HSD17B11: variants seen among roughly 807,000 people sequenced by gnomAD.
HSD17B11 encodes estradiol 17-beta-dehydrogenase 11.
Under a neutral mutation model 27.8 loss-of-function variants are expected in HSD17B11, and 22 were observed. The observed-to-expected ratio is 0.79, with a 90% CI of 0.56 to 1.13. The LOEUF is 1.13. HSD17B11 is among the 50% of genes most tolerant of loss of function. The probability of loss-of-function intolerance (pLI) is 0.00; values close to 1 mark genes in which losing one functional copy is unlikely to be tolerated. For synonymous variants in HSD17B11, 117 were observed against 132.8 expected (o/e 0.88, Z 0.82); for missense variants, 314 against 351.1 (o/e 0.89, Z 0.84).
At chr4:87,375,533 G>A (rs1024701258) in intron 2 of HSD17B11, among the ~76,000 whole-genome samples, 3 of 152,156 alleles carry the variant, frequency 2.0e-5, no homozygotes, top group African/African-American at 7.2e-5. Context: ...CCTGTGGTCC[G>A]GAGTTTGAGA....
intron 2 of HSD17B11, among the ~76,000 whole-genome samples, chr4:87,378,046 A>C (rs980379327): frequency 3.9e-5 from 6 of 152,168 alleles, no homozygotes; most frequent in African/African-American, 1.4e-4. Context: ...TCAGAGCCCA[A>C]GACAAGCCAC....
chr4:87,340,718 GTAGTGTC>G (rs1229046579), intron 5 of HSD17B11, 112 bp from the exon 6 acceptor site: 11 of 669,414 alleles, frequency 1.6e-5, no homozygotes, highest in Admixed American at 5.0e-5. Context: ...TAACTGATTT[GTAGTGTC>G]TAGCCTAGTA....
At chr4:87,357,216 A>C (rs1735404047) in intron 5 of HSD17B11, 63 bp downstream of exon 5, 1 of 1,524,962 alleles carries the variant, frequency 6.6e-7, no homozygotes, top group East Asian at 2.3e-5. Flanking sequence ...ATTTAGGAAA[A>C]CCCACAGAAT....
chr4:87,361,240 A>G (rs1212832027), intron 4 of HSD17B11, among the ~76,000 whole-genome samples: 1 of 152,188 alleles, frequency 6.6e-6, no homozygotes, highest in East Asian at 1.9e-4. Flanking sequence ...AAATGGCCAC[A>G]AAAGTGACCT....
chr4:87,342,530 G>C (rs1041359541), intron 5 of HSD17B11, among the ~76,000 whole-genome samples: 1 of 151,926 alleles, frequency 6.6e-6, no homozygotes, highest in African/African-American at 2.4e-5. Context: ...AAGATGGTGA[G>C]ATCTCGTCTC....
chr4:87,340,757 T>C (rs1735151926), intron 5 of HSD17B11, 151 bp from the exon 6 acceptor site: 2 of 525,286 alleles, frequency 3.8e-6, no homozygotes, highest in South Asian at 3.4e-5. Context: ...AAATGGTAGC[T>C]ACTTTACCAT....
intron 4 of HSD17B11, 119 bp from the exon 5 acceptor site, chr4:87,357,535 C>T: frequency 1.2e-6 from 1 of 857,300 alleles, no homozygotes; most frequent in Non-Finnish European, 1.7e-6. Context: ...AGGCCCCAGC[C>T]CAGAGCTACT....
Position 87,390,952 on chromosome 4 carries a change from A to G in HSD17B11, c.119T>C (p.Leu40Pro). Reference sequence around the variant, plus strand: ...AATTCCATGCCCAGCTCCTGTAATCAGCACGATTTCGCCGGTGACTGATTT... The same window carrying G: ...AATTCCATGCCCAGCTCCTGTAATCGGCACGATTTCGCCGGTGACTGATTT... ...RRKSVTGEIV[L>P]ITGAGHGIGR... The change falls in exon 1 of 7, where the codon CTG becomes CCG. Residue 40 changes from leucine to proline, a missense_variant. Transcript: ENST00000358290. The G allele has an allele frequency of 6.2e-7, 1 of 1,614,214 alleles. No homozygotes were observed. Among genetic ancestry groups the G allele is most frequent in the Non-Finnish European group, 8.5e-7 (1 of 1,180,036 alleles).
At chr4:87,338,432 C>T (rs188471467) in intron 6 of HSD17B11, among the ~76,000 whole-genome samples, 12 of 152,080 alleles carry the variant, frequency 7.9e-5, no homozygotes, top group African/African-American at 2.9e-4. Context: ...ACCAATGTGA[C>T]CTCATAACAA....
At chr4:87,370,480 A>G (rs542967466) in intron 4 of HSD17B11, among the ~76,000 whole-genome samples, 1 of 152,068 alleles carries the variant, frequency 6.6e-6, no homozygotes, top group Non-Finnish European at 1.5e-5. Flanking sequence ...CAGTGGCACA[A>G]TCTCAGCTCA....
At chr4:87,353,730 T>TA (rs1560759932) in intron 5 of HSD17B11, among the ~76,000 whole-genome samples, 1 of 143,050 alleles carries the variant, frequency 7.0e-6, no homozygotes, top group East Asian at 2.0e-4. Context: ...TGCGGCCTTG[T>TA]AGGGGGGGCA....
intron 4 of HSD17B11, among the ~76,000 whole-genome samples, chr4:87,371,892 T>C (rs1464942116): frequency 6.6e-6 from 1 of 152,106 alleles, no homozygotes; most frequent in Admixed American, 6.5e-5. Flanking sequence ...TACAAACCCC[T>C]TGTGTGGTTG....
At chr4:87,365,247 A>G (rs1735593805) in intron 4 of HSD17B11, among the ~76,000 whole-genome samples, 1 of 152,358 alleles carries the variant, frequency 6.6e-6, no homozygotes, top group East Asian at 1.9e-4. Flanking sequence ...ATATATTACA[A>G]AGCTCTAATC....
chr4:87,354,875 G>A (rs972591406), intron 5 of HSD17B11, among the ~76,000 whole-genome samples: 50 of 150,572 alleles, frequency 3.3e-4, no homozygotes, highest in African/African-American at 1.2e-3. Flanking sequence ...CACTTTGGGA[G>A]GTGAGGTGGA....
intron 1 of HSD17B11, among the ~76,000 whole-genome samples, chr4:87,382,816 GTCATAT>G (rs1211508768): frequency 6.6e-6 from 1 of 152,128 alleles, no homozygotes; most frequent in Non-Finnish European, 1.5e-5. Flanking sequence ...TAATGTGAAG[GTCATAT>G]TCACTGAGCT....
At chr4:87,375,822 G>A (rs948645286) in intron 2 of HSD17B11, among the ~76,000 whole-genome samples, 5 of 131,580 alleles carry the variant, frequency 3.8e-5, no homozygotes, top group African/African-American at 1.6e-4. Context: ...CTATTAAGCT[G>A]GCCACATTTT....
At chr4:87,353,731 A>AGG (rs34976142) in intron 5 of HSD17B11, among the ~76,000 whole-genome samples, 18 of 152,084 alleles carry the variant, frequency 1.2e-4, no homozygotes, top group East Asian at 5.8e-4. Context: ...GCGGCCTTGT[A>AGG]GGGGGGGCAA....
At chr4:87,363,615 T>A (rs1241847385) in intron 4 of HSD17B11, among the ~76,000 whole-genome samples, 3 of 152,184 alleles carry the variant, frequency 2.0e-5, no homozygotes, top group Non-Finnish European at 4.4e-5. Context: ...TTGGGCTCTG[T>A]CTTCCAGGGA....
rs1024291384 is a variant in HSD17B11 at position 87,390,849 on chromosome 4, A to G, written c.210+12T>C. 1.2e-6 allele frequency: 2 copies of G among 1,610,550 alleles called. No individual in the cohort carries two copies. Among genetic ancestry groups the G allele is most frequent in the Admixed American group, 1.7e-5 (1 of 59,996 alleles). On this transcript the variant is annotated intron_variant, in intron 1 of 6. Transcript: ENST00000358290. ...AAGGTACCAGAAAGTAAAACATAGT[A>G]AACACTGTTACCTTATTTATATCCC...
Sources: gnomAD v4.1 joint callset for allele counts (sites outside exome capture counted in the v4.1 genomes callset) on GRCh38, gnomAD v4.1.1 for gene constraint, MANE v1.5 for transcripts, NCBI Gene and HGNC (gene_info 2026-07-23, HGNC 2026-07-21) for gene names.